CBFA2T2: variants seen among roughly 807,000 people sequenced by gnomAD.
The protein encoded by CBFA2T2 is protein CBFA2T2.
Under a neutral mutation model 62.2 loss-of-function variants are expected in CBFA2T2, and 11 were observed. The observed-to-expected ratio is 0.18, with a 90% CI of 0.11 to 0.29. The LOEUF (loss-of-function observed/expected upper bound fraction) is 0.29, where lower values mean the gene tolerates loss of function less well. Ranked by LOEUF, CBFA2T2 falls within the 10% of genes least tolerant of loss-of-function variation. The probability of loss-of-function intolerance (pLI) is 1.00; values close to 1 mark genes in which losing one functional copy is unlikely to be tolerated. For missense variants in CBFA2T2, 592 were observed against 774.1 expected (o/e 0.76, Z 2.79); for synonymous variants, 295 against 287.5 (o/e 1.03, Z -0.27).
intron 1 of CBFA2T2, among the ~76,000 whole-genome samples, chr20:33,588,528 A>C (rs183632826): frequency 1.3e-5 from 2 of 152,082 alleles, no homozygotes; most frequent in Admixed American, 1.3e-4. Flanking sequence ...TGTTTGAAAG[A>C]TTTATGCTAC....
chr20:33,643,801 ATATATAT>A (rs2016944034), intron 10 of CBFA2T2, among the ~76,000 whole-genome samples: 2 of 24,042 alleles, frequency 8.3e-5, no homozygotes, highest in Non-Finnish European at 1.4e-4. Flanking sequence ...ATATATATAT[ATATATAT>A]ATATATATAG....
At chr20:33,536,183 G>C (rs1320311957) in intron 1 of CBFA2T2, among the ~76,000 whole-genome samples, 1 of 152,190 alleles carries the variant, frequency 6.6e-6, no homozygotes, top group African/African-American at 2.4e-5. Flanking sequence ...TGAGCTGTTG[G>C]GTACACCTCC....
At chr20:33,500,666 G>A (rs985853565) in intron 1 of CBFA2T2, among the ~76,000 whole-genome samples, 4 of 151,950 alleles carry the variant, frequency 2.6e-5, no homozygotes, top group African/African-American at 4.8e-5. Flanking sequence ...CCAAGATCCT[G>A]CCACTACACT....
intron 1 of CBFA2T2, among the ~76,000 whole-genome samples, chr20:33,587,336 G>A (rs532480508): frequency 1.1e-4 from 16 of 151,910 alleles, no homozygotes; most frequent in African/African-American, 2.4e-4. Flanking sequence ...GCACGATCTC[G>A]GCTCACTGCA....
At chr20:33,596,278 AATGTTAATATAT>A (rs763533839) in intron 1 of CBFA2T2, among the ~76,000 whole-genome samples, 2 of 152,160 alleles carry the variant, frequency 1.3e-5, no homozygotes, top group Non-Finnish European at 2.9e-5. Context: ...CAGTCTCTTA[AATGTTAATATAT>A]TCTTTGTTAC....
At chr20:33,514,012 T>C (rs1231494072) in intron 1 of CBFA2T2, among the ~76,000 whole-genome samples, 1 of 149,236 alleles carries the variant, frequency 6.7e-6, no homozygotes, top group Non-Finnish European at 1.5e-5. Flanking sequence ...GCAATTCTCC[T>C]ACCTCAGCCT....
rs886340116 is a variant in CBFA2T2 at position 33,551,919 on chromosome 20, CT to C, written c.35-55028del. 2.6e-5 allele frequency among the ~76,000 whole-genome samples: 4 copies of C among 151,090 alleles called. No individual in the cohort carries two copies. In the South Asian group the frequency reaches 8.4e-4, roughly 32 times the overall value. ...TTTTTCTCTTCTTGCCCTCCCTGCC[CT>C]TTTTTTTTCTGCTTACGTAAAATTC... On this transcript the variant is annotated intron_variant, in intron 1 of 10. Coordinates refer to ENST00000342704, the MANE Select transcript of CBFA2T2 (RefSeq NM_001032999.3).
intron 8 of CBFA2T2, among the ~76,000 whole-genome samples, chr20:33,630,172 T>A (rs1161329398): frequency 6.6e-6 from 1 of 152,116 alleles, no homozygotes; most frequent in East Asian, 1.9e-4. Context: ...GGCCTTGGAC[T>A]CCTGGCCTCA....
At chr20:33,613,037 A>C (rs2015584117) in intron 3 of CBFA2T2, among the ~76,000 whole-genome samples, 1 of 152,234 alleles carries the variant, frequency 6.6e-6, no homozygotes, top group East Asian at 1.9e-4. Context: ...GCACCACTGC[A>C]CTTCCAGCCT....
intron 1 of CBFA2T2, among the ~76,000 whole-genome samples, chr20:33,545,410 T>A (rs2012526030): frequency 6.6e-6 from 1 of 151,316 alleles, no homozygotes; most frequent in African/African-American, 2.4e-5. Context: ...AATGAAATGA[T>A]TTTTAGCTCT....
At chr20:33,543,466 G>T (rs2012459582) in intron 1 of CBFA2T2, among the ~76,000 whole-genome samples, 1 of 152,176 alleles carries the variant, frequency 6.6e-6, no homozygotes, top group African/African-American at 2.4e-5. Flanking sequence ...AGGACCAAAT[G>T]AATGGTCTGC....
At chr20:33,502,375 T>A (rs2011301390) in intron 1 of CBFA2T2, among the ~76,000 whole-genome samples, 1 of 152,152 alleles carries the variant, frequency 6.6e-6, no homozygotes, top group Non-Finnish European at 1.5e-5. Context: ...AAAAAGGTGT[T>A]GTAGGCTTAG....
At chr20:33,635,424 G>A (rs1233389066) in intron 8 of CBFA2T2, among the ~76,000 whole-genome samples, 1 of 152,218 alleles carries the variant, frequency 6.6e-6, no homozygotes, top group African/African-American at 2.4e-5. Context: ...GGCTGGTGAA[G>A]GAGAGCCCCA....
intron 1 of CBFA2T2, among the ~76,000 whole-genome samples, chr20:33,502,982 T>G (rs1405813680): frequency 1.4e-5 from 2 of 145,554 alleles, no homozygotes; most frequent in Non-Finnish European, 3.0e-5. Flanking sequence ...TCCCAGCTAC[T>G]CCGGAGGCTG....
intron 1 of CBFA2T2, among the ~76,000 whole-genome samples, chr20:33,545,428 A>ACTCTTTCTTT (rs1176425503): frequency 1.7e-5 from 2 of 121,076 alleles, no homozygotes. Context: ...TCTCATTAAG[A>ACTCTTTCTTT]CTCTTTCTTT....
intron 1 of CBFA2T2, among the ~76,000 whole-genome samples, chr20:33,605,904 C>T (rs777217064): frequency 7.3e-4 from 111 of 152,022 alleles, no homozygotes; most frequent in African/African-American, 1.4e-3. Context: ...CTGCAACCTC[C>T]GCCTCCCAGG....
intron 1 of CBFA2T2, among the ~76,000 whole-genome samples, chr20:33,533,760 A>G (rs1166614922): frequency 1.3e-5 from 2 of 152,080 alleles, no homozygotes; most frequent in African/African-American, 4.8e-5. Flanking sequence ...GATCACCTGA[A>G]TGTTAGGAGT....
At chr20:33,596,229 G>A (rs557150330) in intron 1 of CBFA2T2, among the ~76,000 whole-genome samples, 1 of 151,854 alleles carries the variant, frequency 6.6e-6, no homozygotes, top group East Asian at 1.9e-4. Flanking sequence ...TGTAGCCACT[G>A]TATCTGTCTC....
intron 1 of CBFA2T2, among the ~76,000 whole-genome samples, chr20:33,546,814 T>G (rs1460507823): frequency 6.6e-6 from 1 of 151,870 alleles, no homozygotes; most frequent in African/African-American, 2.4e-5. Flanking sequence ...TCTTTACAAT[T>G]GAGTTTACCA....
Sources: gnomAD v4.1 joint callset for allele counts (sites outside exome capture counted in the v4.1 genomes callset) on GRCh38, gnomAD v4.1.1 for gene constraint, MANE v1.5 for transcripts, NCBI Gene and HGNC (gene_info 2026-07-23, HGNC 2026-07-21) for gene names.